LCORL: variants seen among roughly 807,000 people sequenced by gnomAD.
LCORL encodes ligand dependent nuclear receptor corepressor like.
In LCORL, 41 loss-of-function variants were observed where a neutral mutation model predicts 141.8. The observed-to-expected ratio is 0.29, with a 90% CI of 0.23 to 0.38. The LOEUF is 0.38. Among genes scored for constraint, LCORL ranks in the 10% least tolerant of loss-of-function variants. The probability of loss-of-function intolerance (pLI) is 1.00; values close to 1 mark genes in which losing one functional copy is unlikely to be tolerated. For missense variants in LCORL, 1,759 were observed against 2,035.0 expected (o/e 0.86, Z 2.61); for synonymous variants, 618 against 694.1 (o/e 0.89, Z 1.72).
intron 5 of LCORL, among the ~76,000 whole-genome samples, chr4:17,907,029 C>T (rs1731755839): frequency 6.6e-6 from 1 of 152,154 alleles, no homozygotes; most frequent in Non-Finnish European, 1.5e-5. Context: ...TCAATACCTC[C>T]AATGACAAGG....
At chr4:17,910,416 G>A (rs544921288) in intron 4 of LCORL, among the ~76,000 whole-genome samples, 3 of 152,166 alleles carry the variant, frequency 2.0e-5, no homozygotes, top group South Asian at 2.1e-4. Flanking sequence ...TCTTAGAAAC[G>A]GGCCTACTTG....
exon 7 of LCORL, chr4:17,873,968 T>C: frequency 8.1e-7 from 1 of 1,234,142 alleles, no homozygotes. Flanking sequence ...CAGGCATTAC[T>C]ACCCTCTGCT....
At chr4:17,873,230 A>G (rs1303618843) in intron 7 of LCORL, among the ~76,000 whole-genome samples, 158 bp downstream of exon 7, 2 of 152,130 alleles carry the variant, frequency 1.3e-5, no homozygotes, top group Non-Finnish European at 2.9e-5. Context: ...ATTTAGCAGC[A>G]CCTAATTTCA....
At chr4:17,887,439 G>A (rs201475496) in intron 5 of LCORL, among the ~76,000 whole-genome samples, 1 of 152,104 alleles carries the variant, frequency 6.6e-6, no homozygotes, top group African/African-American at 2.4e-5. Context: ...AGGCTTCTTT[G>A]ATTTGAACAG....
At chr4:18,004,210 A>C (rs1282841322) in intron 1 of LCORL, among the ~76,000 whole-genome samples, 2 of 152,236 alleles carry the variant, frequency 1.3e-5, no homozygotes, top group African/African-American at 4.8e-5. Context: ...TACCACATAT[A>C]CTAAATGAAA....
At chr4:17,859,563 C>T (rs1311352387) in intron 7 of LCORL, among the ~76,000 whole-genome samples, 2 of 152,000 alleles carry the variant, frequency 1.3e-5, no homozygotes, top group African/African-American at 4.8e-5. Flanking sequence ...TGGATCTGTC[C>T]ACAAGAATGA....
intron 1 of LCORL, among the ~76,000 whole-genome samples, chr4:17,988,924 C>T (rs537996514): frequency 5.9e-5 from 9 of 152,252 alleles, no homozygotes; most frequent in African/African-American, 1.2e-4. Flanking sequence ...GCAGAGATTG[C>T]GGTGAGCCGA....
intron 4 of LCORL, among the ~76,000 whole-genome samples, chr4:17,915,681 T>A (rs1733289347): frequency 6.6e-6 from 1 of 151,468 alleles, no homozygotes; most frequent in South Asian, 2.1e-4. Flanking sequence ...AATGGGAGAG[T>A]TTCACAACAC....
At chr4:17,998,964 CAAAAAAA>C (rs775544332) in intron 1 of LCORL, among the ~76,000 whole-genome samples, 7,758 of 44,412 alleles carry the variant, frequency 0.17, 411 homozygotes, top group South Asian at 0.3. Flanking sequence ...GACCCTGTCT[CAAAAAAA>C]AAAAAAAAAA....
At chr4:17,898,182 T>C (rs915823877) in intron 5 of LCORL, among the ~76,000 whole-genome samples, 3 of 152,112 alleles carry the variant, frequency 2.0e-5, no homozygotes, top group Non-Finnish European at 4.4e-5. Context: ...GGTTTAAGGG[T>C]TCCTTAAAGT....
chr4:17,964,144 C>T (rs145774354), intron 2 of LCORL, among the ~76,000 whole-genome samples: 68 of 152,102 alleles, frequency 4.5e-4, no homozygotes, highest in African/African-American at 1.5e-3. Context: ...TTAATTTCTG[C>T]AGTAGTACAC....
At position 18,021,504 on chromosome 4, in the gene LCORL, G is replaced by C. The variant is rs1042828143; in HGVS notation, c.154+94C>G. On this transcript the variant is annotated intron_variant, in intron 1 of 7. Transcript: ENST00000635767. The surrounding 1 kb of genome is among the most constrained non-coding windows in gnomAD (Gnocchi z 5.5). The stretch of plus-strand genomic sequence containing the variant: ...GCTCCCCCACCGAACTAACCCGAAC[G>C]GGAGATTCAACTAAACCCCTCAGCC... The C allele has an allele frequency of 2.7e-6, 3 of 1,105,444 alleles. No homozygotes were observed. The highest frequency in any genetic ancestry group is 3.3e-5 in the Admixed American group (1 of 29,902). The allele number at this position is 1,105,444 out of a possible 1,614,324, so 68.5% of individuals were successfully genotyped here. A position where few individuals can be genotyped will look rare whatever the true frequency, so the allele number is the denominator to read the frequency against.
At chr4:18,020,790 T>C (rs997686631) in intron 1 of LCORL, 1 of 151,936 alleles carries the variant, frequency 6.6e-6, no homozygotes, top group Non-Finnish European at 1.5e-5. Context: ...GTCCATCACA[T>C]GACAGTGAAA....
At chr4:17,983,919 C>A (rs1024572492) in intron 1 of LCORL, among the ~76,000 whole-genome samples, 1 of 152,024 alleles carries the variant, frequency 6.6e-6, no homozygotes, top group African/African-American at 2.4e-5. Flanking sequence ...ATATGTGGCT[C>A]TTATTATTTT....
At chr4:17,888,571 G>A (rs1209697148) in intron 5 of LCORL, among the ~76,000 whole-genome samples, 1 of 152,094 alleles carries the variant, frequency 6.6e-6, no homozygotes, top group East Asian at 1.9e-4. Context: ...TGCCCAGGCA[G>A]AAGATGCTTA....
At chr4:17,995,835 G>A (rs1030769339) in intron 1 of LCORL, among the ~76,000 whole-genome samples, 2 of 152,190 alleles carry the variant, frequency 1.3e-5, no homozygotes, top group African/African-American at 4.8e-5. Context: ...AATATGGAGT[G>A]AAGACTCAGG....
intron 4 of LCORL, among the ~76,000 whole-genome samples, chr4:17,951,304 T>C (rs1043805546): frequency 1.7e-4 from 26 of 152,228 alleles, no homozygotes; most frequent in African/African-American, 2.4e-5. Flanking sequence ...TATTTCTTTG[T>C]ATGTAAAGAA....
In LCORL at chr4:17,998,185, T is replaced by C. The variant is rs570551535; in HGVS notation, c.154+23413A>G. 2.0e-5 allele frequency among the ~76,000 whole-genome samples: 3 copies of C among 152,294 alleles called. No homozygotes were observed. The South Asian group carries it at 6.2e-4, about 32-fold the overall frequency. On this transcript the variant is annotated intron_variant, in intron 1 of 7. Coordinates refer to ENST00000635767, the Ensembl canonical transcript of LCORL. ...GTATACCTGTATAGGGCACTTACCA[T>C]GAATGGAGCTTGAAGGATGGGAAGT...
chr4:18,016,353 A>G (rs1335088463), intron 1 of LCORL, among the ~76,000 whole-genome samples: 1 of 152,212 alleles, frequency 6.6e-6, no homozygotes, highest in Admixed American at 6.5e-5. Context: ...TTCAAACACA[A>G]GTAGTCTAGC....
Sources: gnomAD v4.1 joint callset for allele counts (sites outside exome capture counted in the v4.1 genomes callset) on GRCh38, gnomAD v4.1.1 for gene constraint, Gnocchi (gnomAD v3.1) non-coding constraint, MANE v1.5 for transcripts, NCBI Gene and HGNC (gene_info 2026-07-23, HGNC 2026-07-21) for gene names.